The following PRSS37 variants were observed in gnomAD, a reference collection of about 807,000 sequenced individuals.
The protein encoded by PRSS37 is probable inactive serine protease 37.
PRSS37 carries 25 observed loss-of-function variants against 28.0 expected under a neutral mutation model. The observed-to-expected ratio is 0.89, with a 90% CI of 0.65 to 1.25. The LOEUF (loss-of-function observed/expected upper bound fraction) is 1.25. PRSS37 is among the 50% of genes most tolerant of loss of function. The pLI is 0.00. For synonymous variants in PRSS37, 109 were observed against 107.8 expected (o/e 1.01, Z -0.07); for missense variants, 282 against 292.2 (o/e 0.97, Z 0.25).
chr7:141,837,144 T>C lies in PRSS37; in HGVS notation c.535A>G (p.Lys179Glu), dbSNP rs779526078. Reference protein sequence around the residue: ...GKSHRNSLCVKFVKVFSRIFG... With the variant: ...GKSHRNSLCVEFVKVFSRIFG... ...ATTCGGCTGAATACTTTCACAAATT[T>C]CACACATAAGGAATTCCTGTGGCTT... is the stretch of plus-strand genomic sequence containing the variant. Residue 179 changes from lysine to glutamate, a missense_variant, in exon 4 of 5, where the codon AAA (lysine) becomes GAA (glutamate). Lys to Glu is a moderately conservative substitution (Grantham distance 56). Coordinates refer to ENST00000350549, the MANE Select transcript of PRSS37 (RefSeq NM_001008270.3). 2 of 1,612,904 alleles carry C rather than the reference T, an allele frequency of 1.2e-6. No individual in the cohort carries two copies. The highest frequency in any genetic ancestry group is 2.7e-5 in the African/African-American group (2 of 74,880).
intron 3 of PRSS37, 58 bp from the exon 4 acceptor site, chr7:141,837,306 C>T: frequency 6.5e-7 from 1 of 1,534,832 alleles, no homozygotes; most frequent in South Asian, 1.3e-5. Flanking sequence ...TTTAGTCCTT[C>T]TGACCACCAG....
intron 1 of PRSS37, 31 bp from the exon 2 acceptor site, chr7:141,839,510 A>C (rs1292002441): frequency 2.0e-6 from 3 of 1,520,410 alleles, no homozygotes; most frequent in Non-Finnish European, 2.7e-6. Context: ...CTTAATACAT[A>C]AATATTATAA....
At chr7:141,839,523 A>C in intron 1 of PRSS37, 44 bp from the exon 2 acceptor site, 1 of 1,463,058 alleles carries the variant, frequency 6.8e-7, no homozygotes, top group Non-Finnish European at 9.4e-7. Context: ...TATTATAAAA[A>C]TAAGGTAACA....
chr7:141,841,237 T>C lies in PRSS37; in HGVS notation c.-188A>G, dbSNP rs967023336. On this transcript the variant is annotated 5_prime_UTR_variant, in exon 1 of 5. Coordinates refer to ENST00000350549, the MANE Select transcript of PRSS37 (RefSeq NM_001008270.3). ...AGGGAGATGGCTTCAGAGAGACAGA[T>C]GAAAGCCCTCTGTTCCAGGGAAGGT... 1.0e-5 allele frequency: 13 copies of C among 1,303,262 alleles called. No individual in the cohort carries two copies. Among genetic ancestry groups the C allele is most frequent in the Non-Finnish European group, 1.2e-5 (12 of 982,206 alleles). The allele number at this position is 1,303,262 out of a possible 1,614,324, so 80.7% of individuals were successfully genotyped here. A position where few individuals can be genotyped will look rare whatever the true frequency, so the allele number is the denominator to read the frequency against.
chr7:141,838,422 T>C, intron 2 of PRSS37: 1 of 1,231,548 alleles, frequency 8.1e-7, no homozygotes, highest in Non-Finnish European at 1.0e-6. Flanking sequence ...TTTTCTCGCC[T>C]ATCTAACTGA....
chr7:141,840,896 A>T, intron 1 of PRSS37, 120 bp downstream of exon 1: 1 of 985,524 alleles, frequency 1.0e-6, no homozygotes, highest in Non-Finnish European at 1.6e-6. Context: ...CAGGACTCCT[A>T]ATTCTGCTGA....
chr7:141,841,157 T>G lies in PRSS37; in HGVS notation c.-108A>C, dbSNP rs576009052. ...CACCTGGTAGACTCAGTGGCTATGG[T>G]TAGATACGGAGGCACTCCATGGGAT... On this transcript the variant is annotated 5_prime_UTR_variant, in exon 1 of 5. It removes the in-frame stop codon of an upstream open reading frame in the 5' UTR. Transcript: ENST00000350549. 4.7e-5 allele frequency: 75 copies of G among 1,579,304 alleles called. No homozygotes were observed. In the South Asian group the frequency reaches 8.0e-4, roughly 17 times the overall value.
intron 1 of PRSS37, among the ~76,000 whole-genome samples, chr7:141,840,540 A>G (rs1386766418): frequency 1.3e-5 from 2 of 152,228 alleles, no homozygotes; most frequent in Non-Finnish European, 2.9e-5. Context: ...ATGGGTAGTC[A>G]TACCCCCATT....
intron 4 of PRSS37, 140 bp from the exon 5 acceptor site, chr7:141,836,675 A>G: frequency 1.1e-6 from 1 of 900,274 alleles, no homozygotes; most frequent in East Asian, 2.7e-5. Context: ...GAATCAGGGG[A>G]CAGGATGCTT....
Position 141,837,198 on chromosome 7 carries a change from G to T in PRSS37, c.481C>A (p.Arg161=), listed in dbSNP as rs1489362668. The T allele has an allele frequency of 6.8e-6, 11 of 1,612,514 alleles. No homozygotes were observed. Among genetic ancestry groups the T allele is most frequent in the Non-Finnish European group, 8.5e-6 (10 of 1,179,482 alleles). The part of the protein sequence containing the change: ...QNLEAPVMSD[R]ECQKTEQGKS... ...CCTTGTTCTGTTTTTTGGCATTCTCGATCAGACATCACGGGGGCCTCCAGG... is the reference window on the plus strand; with the variant it reads ...CCTTGTTCTGTTTTTTGGCATTCTCTATCAGACATCACGGGGGCCTCCAGG... The change falls in exon 4 of 5, where the codon CGA becomes AGA. Residue 161 remains arginine (R), a synonymous_variant. Transcript: ENST00000350549.
chr7:141,838,907 T>A, intron 2 of PRSS37: 1 of 444,566 alleles, frequency 2.2e-6, no homozygotes, highest in Admixed American at 2.6e-5. Flanking sequence ...TCTCCATACC[T>A]TTGCAATTGG....
intron 1 of PRSS37, among the ~76,000 whole-genome samples, chr7:141,840,165 G>T (rs933670660): frequency 6.6e-6 from 1 of 152,138 alleles, no homozygotes; most frequent in African/African-American, 2.4e-5. Flanking sequence ...TTGACTAAGA[G>T]GTGGGATTAT....
chr7:141,837,904 G>A lies in PRSS37; in HGVS notation c.386C>T (p.Thr129Ile). The A allele has an allele frequency of 1.2e-6, 2 of 1,614,062 alleles. No homozygotes were observed. The highest frequency in any genetic ancestry group is 2.7e-5 in the African/African-American group (2 of 75,044). ...TLATTNVRPG[T>I]VCLLSGLDWS... Reference sequence around the variant, plus strand: ...GTCCAAACCTGAGAGTAGACAGACAGTGCCTGGCCTGACATTGGTGGTGGC... The same window carrying A: ...GTCCAAACCTGAGAGTAGACAGACAATGCCTGGCCTGACATTGGTGGTGGC... The change falls in exon 3 of 5, where the codon ACT becomes ATT. Residue 129 changes from threonine to isoleucine, a missense_variant. By Grantham distance (89) the Thr-to-Ile change is moderately conservative. Transcript: ENST00000350549.
chr7:141,840,953 C>G lies in PRSS37; in HGVS notation c.34+63G>C. On this transcript the variant is annotated intron_variant, in intron 1 of 4. Transcript: ENST00000350549. ...TTCTGCACCCTTCGCAATCCTGCCT[C>G]TGTCTCACCCCATCCATTAAACTGT... 4 of 1,534,988 alleles carry G rather than the reference C, an allele frequency of 2.6e-6. No homozygotes were observed. The South Asian group carries it at 4.5e-5, about 17-fold the overall frequency.
At position 141,837,912 on chromosome 7, in the gene PRSS37, C is replaced by G. The variant is rs1476761373; in HGVS notation, c.378G>C (p.Arg126Ser). Residue 126 changes from arginine (R) to serine (S), a missense_variant, in exon 3 of 5, where the codon AGG (arginine) becomes AGC (serine). Transcript: ENST00000350549. The stretch of plus-strand genomic sequence containing the variant: ...CTGAGAGTAGACAGACAGTGCCTGG[C>G]CTGACATTGGTGGTGGCGAGGGTAA... Reference protein sequence around the residue: ...QPLTLATTNVRPGTVCLLSGL... With the variant: ...QPLTLATTNVSPGTVCLLSGL... The G allele has an allele frequency of 6.2e-7, 1 of 1,614,006 alleles. No homozygotes were observed. The highest frequency in any genetic ancestry group is 1.7e-5 in the Admixed American group (1 of 60,012).
At chr7:141,837,285 ACAG>A in intron 3 of PRSS37, 37 bp from the exon 4 acceptor site, 1 of 1,565,240 alleles carries the variant, frequency 6.4e-7, no homozygotes, top group East Asian at 2.3e-5. Context: ...CATCCTGTTG[ACAG>A]TGGTTATTTT....
At chr7:141,839,580 G>T in intron 1 of PRSS37, 101 bp from the exon 2 acceptor site, 1 of 943,840 alleles carries the variant, frequency 1.1e-6, no homozygotes, top group Non-Finnish European at 1.6e-6. Flanking sequence ...ACAGTTATCA[G>T]TTGGCCAAGA....
In PRSS37 at chr7:141,836,343, G is replaced by A. The variant is rs6967873; in HGVS notation, c.*52C>T. 5,677 of 1,575,422 alleles carry A rather than the reference G, an allele frequency of 3.6e-3. 193 individuals are homozygous for A. The African/African-American group carries it at 0.069, about 19-fold the overall frequency. ...ATTTTGAATAGAGGGAAAATTATCT[G>A]CTTGTATAGTCCATGGCAGAGCCAG... On this transcript the variant is annotated 3_prime_UTR_variant, in exon 5 of 5. Coordinates refer to ENST00000350549, the MANE Select transcript of PRSS37 (RefSeq NM_001008270.3).
intron 4 of PRSS37, 64 bp downstream of exon 4, chr7:141,837,048 C>A (rs1584800297): frequency 6.6e-7 from 1 of 1,516,406 alleles, no homozygotes; most frequent in East Asian, 2.3e-5. Flanking sequence ...GTTTTTACAT[C>A]AAGAGTCAAT....
Sources: gnomAD v4.1 joint callset for allele counts (sites outside exome capture counted in the v4.1 genomes callset) on GRCh38, gnomAD v4.1.1 for gene constraint, MANE v1.5 for transcripts, NCBI Gene and HGNC (gene_info 2026-07-23, HGNC 2026-07-21) for gene names.